SIRT3: variants seen among roughly 807,000 people sequenced by gnomAD.
SIRT3 encodes NAD-dependent protein deacetylase sirtuin-3, mitochondrial.
A neutral mutation model predicts 33.5 loss-of-function variants in SIRT3; 26 were observed. The ratio of observed to expected loss-of-function variants is 0.78; its 90% CI spans 0.57 to 1.08. The LOEUF (loss-of-function observed/expected upper bound fraction) is 1.08, where lower values mean the gene tolerates loss of function less well. SIRT3 is among the 50% of genes least tolerant of loss of function. The pLI, the probability that SIRT3 is intolerant of heterozygous loss-of-function variation, is 0.00. For missense variants in SIRT3, 585 were observed against 530.1 expected, an observed-to-expected ratio of 1.10 and a Z score of -1.02; for synonymous variants, 237 against 222.1, an observed-to-expected ratio of 1.07 and a Z score of -0.60.
At chr11:220,183 A>AG (rs1856235266) in intron 5 of SIRT3, among the ~76,000 whole-genome samples, 1 of 151,970 alleles carries the variant, frequency 6.6e-6, no homozygotes, top group Admixed American at 6.6e-5. Context: ...TACAAAACTT[A>AG]GCTGGGCGTG....
rs201056816 is a variant in SIRT3, at chr11:215,465, C to G, written c.*1233G>C. The G allele has an allele frequency of 2.0e-5, 3 of 152,192 alleles. No individual in the cohort carries two copies. Among genetic ancestry groups the G allele is most frequent in the Non-Finnish European group, 4.4e-5 (3 of 68,030 alleles). 9.4% of individuals were successfully genotyped at this position (152,192 alleles called of 1,614,324 possible). ...TAACTTCATTCTTTTTAGAATTCAA[C>G]AGTTTTCCTAGGTCACCAATTCCAC... On this transcript the variant is annotated 3_prime_UTR_variant, in exon 7 of 7. Transcript: ENST00000382743.
chr11:236,416 C>T, upstream of SIRT3: 1 of 909,392 alleles, frequency 1.1e-6, no homozygotes, highest in Non-Finnish European at 1.3e-6. Context: ...CCCCCGGCGC[C>T]CCAGCCCCGC....
At chr11:218,783 A>T (rs1394314548) in intron 6 of SIRT3, 49 bp downstream of exon 6, 5 of 1,613,700 alleles carry the variant, frequency 3.1e-6, no homozygotes, top group Non-Finnish European at 4.2e-6. Flanking sequence ...CATACCCTAG[A>T]GCAGTGAGAA....
In SIRT3 at chr11:233,307, G is replaced by A. The variant is rs200803094; in HGVS notation, c.473+36C>T. 20 of 1,604,492 alleles carry A rather than the reference G, an allele frequency of 1.2e-5. No individual in the cohort carries two copies. In the African/African-American group the frequency reaches 2.4e-4, roughly 19 times the overall value. On this transcript the variant is annotated intron_variant, in intron 2 of 6. Coordinates refer to ENST00000382743, the MANE Select transcript of SIRT3 (RefSeq NM_012239.6). ...GTGGGGAGGGCAGGAGTCAGGGGAG[G>A]GGAGCGCAGAAGGCAGGTGGGACTG...
rs1855681046 is a variant in SIRT3, at chr11:216,666, T to C, written c.*32A>G. On this transcript the variant is annotated 3_prime_UTR_variant, in exon 7 of 7. Transcript: ENST00000382743. ...AATTGGGATGTGGATGTCTCCTATG[T>C]TACCATTTATTGTGTGGGGGCAGCC... The C allele has an allele frequency of 3.7e-6, 6 of 1,613,482 alleles. No individual in the cohort carries two copies. Among genetic ancestry groups the C allele is most frequent in the Middle Eastern group, 1.7e-4 (1 of 6,054 alleles).
chr11:236,446 C>T, upstream of SIRT3: 1 of 622,526 alleles, frequency 1.6e-6, no homozygotes, highest in Non-Finnish European at 2.0e-6. Context: ...CCGCCCCCGC[C>T]CCCGGCGCCC....
chr11:218,449 T>C (rs548620167), intron 6 of SIRT3, among the ~76,000 whole-genome samples: 2 of 152,344 alleles, frequency 1.3e-5, no homozygotes, highest in East Asian at 1.9e-4. Flanking sequence ...TCATCCCACA[T>C]AGATGCAGAG....
chr11:229,694 G>A (rs980191254), intron 4 of SIRT3, among the ~76,000 whole-genome samples: 1 of 151,020 alleles, frequency 6.6e-6, no homozygotes, highest in Non-Finnish European at 1.5e-5. Flanking sequence ...GGGAGGCAGA[G>A]GTTGTATTGA....
At chr11:236,501 C>T (rs1306782164), upstream of SIRT3, 1 of 234,714 alleles carries the variant, frequency 4.3e-6, no homozygotes, top group Non-Finnish European at 6.9e-6. Flanking sequence ...GCCGACGCCT[C>T]CGGCGCGCCC....
chr11:217,131 GA>G (rs1463331468), intron 6 of SIRT3, among the ~76,000 whole-genome samples: 3 of 152,198 alleles, frequency 2.0e-5, no homozygotes, highest in African/African-American at 7.2e-5. Flanking sequence ...GGAGCTACCA[GA>G]GTTACAATCT....
intron 5 of SIRT3, among the ~76,000 whole-genome samples, 166 bp from the exon 6 acceptor site, chr11:219,207 C>A (rs1157091204): frequency 6.6e-6 from 1 of 152,140 alleles, no homozygotes. Context: ...TGAGCTCCTG[C>A]CGCTTGGCCT....
chr11:234,196 C>T (rs1858537181), intron 1 of SIRT3, among the ~76,000 whole-genome samples: 1 of 152,198 alleles, frequency 6.6e-6, no homozygotes, highest in Admixed American at 6.5e-5. Flanking sequence ...GCTTAAAGTA[C>T]ATGCTGCATG....
At chr11:221,759 G>A (rs569111222) in intron 5 of SIRT3, among the ~76,000 whole-genome samples, 3 of 152,328 alleles carry the variant, frequency 2.0e-5, no homozygotes, top group African/African-American at 7.2e-5. Context: ...CCGTGTAAGG[G>A]AAACTGTTGG....
At position 224,148 on chromosome 11, in the gene SIRT3, T is replaced by G. The variant is rs1856834676; in HGVS notation, c.899A>C (p.Gln300Pro). 6.2e-7 allele frequency: 1 copy of G among 1,614,150 alleles called. No individual in the cohort carries two copies. Among genetic ancestry groups the G allele is most frequent in the Non-Finnish European group, 8.5e-7 (1 of 1,180,032 alleles). Residue 300 changes from glutamine (Q) to proline (P), a missense_variant, in exon 5 of 7, where the codon CAG (glutamine) becomes CCG (proline). Transcript: ENST00000382743. ...DIVFFGEPLP[Q>P]RFLLHVVDFP... ...ATCAACCACATGCAGCAAGAACCTC[T>G]GGGGCAGCGGCTCCCCAAAGAACAC...
At position 233,347 on chromosome 11, in the gene SIRT3, A is replaced by T. The variant is rs1858381167; in HGVS notation, c.469T>A (p.Phe157Ile). Residue 157 changes from phenylalanine to isoleucine, a missense_variant, in exon 2 of 7, where the codon TTC becomes ATC. Coordinates refer to ENST00000382743, the MANE Select transcript of SIRT3 (RefSeq NM_012239.6). ...GISTPSGIPDFRSPGSGLYSN... is the reference protein window; with the variant it reads ...GISTPSGIPDIRSPGSGLYSN... Reference sequence around the variant, plus strand: ...AGGTGGGACTGTGGGCAGTACCTGAAGTCTGGAATGCCACTGGGTGTGCTG... The same window carrying T: ...AGGTGGGACTGTGGGCAGTACCTGATGTCTGGAATGCCACTGGGTGTGCTG... The T allele has an allele frequency of 6.2e-7, 1 of 1,613,400 alleles. No individual in the cohort carries two copies. The highest frequency in any genetic ancestry group is 1.7e-5 in the Admixed American group (1 of 59,960).
In SIRT3 at chr11:233,154, T is replaced by C. The variant is rs775164206; in HGVS notation, c.535A>G (p.Ile179Val). 1 of 1,614,040 alleles carries C rather than the reference T, an allele frequency of 6.2e-7. No homozygotes were observed. The highest frequency in any genetic ancestry group is 8.5e-7 in the Non-Finnish European group (1 of 1,180,006). Reference sequence around the variant, plus strand: ...TGAAAGAAGAATGGGAGTTCAAAAATGGCCTCGGGGTACGGGAGATCGTAC... The same window carrying C: ...TGAAAGAAGAATGGGAGTTCAAAAACGGCCTCGGGGTACGGGAGATCGTAC... ...QQYDLPYPEAIFELPFFFHNP... is the reference protein window; with the variant it reads ...QQYDLPYPEAVFELPFFFHNP... Residue 179 changes from isoleucine (I) to valine (V), a missense_variant, in exon 3 of 7, where the codon ATT becomes GTT. Physicochemically the swap from Ile to Val is conservative, Grantham distance 29. Coordinates refer to ENST00000382743, the MANE Select transcript of SIRT3 (RefSeq NM_012239.6).
At chr11:235,107 A>C (rs1293509347) in intron 1 of SIRT3, among the ~76,000 whole-genome samples, 2 of 150,920 alleles carry the variant, frequency 1.3e-5, no homozygotes, top group Non-Finnish European at 3.0e-5. Context: ...CGAACTCCTG[A>C]CCTCGTTATC....
At chr11:230,423 G>C in intron 4 of SIRT3, 29 bp downstream of exon 4, 1 of 1,351,606 alleles carries the variant, frequency 7.4e-7, no homozygotes, top group African/African-American at 1.5e-5. Context: ...GCAAACTGCA[G>C]AAGGACAACC....
At chr11:217,583 G>C (rs938252133) in intron 6 of SIRT3, among the ~76,000 whole-genome samples, 5 of 152,230 alleles carry the variant, frequency 3.3e-5, no homozygotes, top group Admixed American at 1.3e-4. Flanking sequence ...CTCATTGTTA[G>C]CTGGGTTCCC....
Sources: gnomAD v4.1 joint callset for allele counts (sites outside exome capture counted in the v4.1 genomes callset) on GRCh38, gnomAD v4.1.1 for gene constraint, MANE v1.5 for transcripts, NCBI Gene and HGNC (gene_info 2026-07-23, HGNC 2026-07-21) for gene names.